Variants in TBCEL observed in about 807,000 individuals in gnomAD.
TBCEL encodes tubulin-specific chaperone cofactor E-like protein.
A neutral mutation model predicts 44.2 loss-of-function variants in TBCEL; 15 were observed. The ratio of observed to expected loss-of-function variants is 0.34; its 90% CI spans 0.23 to 0.52. The LOEUF (loss-of-function observed/expected upper bound fraction) is 0.52. TBCEL is among the 20% of genes least tolerant of loss of function. The pLI, the probability that TBCEL is intolerant of heterozygous loss-of-function variation, is 0.95. For synonymous variants in TBCEL, 171 were observed against 185.4 expected, an observed-to-expected ratio of 0.92 and a Z score of 0.63; for missense variants, 319 against 506.3, an observed-to-expected ratio of 0.63 and a Z score of 3.55.
chr11:121,035,764 C>T (rs1484029396), intron 1 of TBCEL: 2 of 152,116 alleles, frequency 1.3e-5, no homozygotes, highest in African/African-American at 4.8e-5. Flanking sequence ...TGATTTTCTT[C>T]TGATGAAACC....
chr11:121,068,907 C>CA (rs1454440344), intron 8 of TBCEL, among the ~76,000 whole-genome samples: 1 of 150,080 alleles, frequency 6.7e-6, no homozygotes, highest in Non-Finnish European at 1.5e-5. Context: ...AAAAAACAGA[C>CA]AAAAAACAGA....
In TBCEL at chr11:121,086,860, G is replaced by A. The variant is rs1448248013; in HGVS notation, c.1039G>A (p.Glu347Lys). Residue 347 changes from glutamate (E) to lysine (K), a missense_variant, in exon 9 of 9, where the codon GAA becomes AAA. By Grantham distance (56) the Glu-to-Lys change is moderately conservative. Coordinates refer to ENST00000683345, the MANE Select transcript of TBCEL (RefSeq NM_001363644.2). ...DLRPQSSAKV[E>K]VHFNDQVEEM... ...AAGACCCCAGAGCAGTGCAAAAGTA[G>A]AAGTCCACTTTAACGATCAGGTGGA... 2 of 1,614,052 alleles carry A rather than the reference G, an allele frequency of 1.2e-6. No individual in the cohort carries two copies. The highest frequency in any genetic ancestry group is 4.5e-5 in the East Asian group (2 of 44,830).
intron 1 of TBCEL, among the ~76,000 whole-genome samples, chr11:121,033,674 T>G (rs1484536291): frequency 6.6e-6 from 1 of 152,188 alleles, no homozygotes; most frequent in Non-Finnish European, 1.5e-5. Flanking sequence ...AACATAAAAT[T>G]TATCATTTTA....
At chr11:121,074,897 G>C (rs1276743984) in intron 8 of TBCEL, among the ~76,000 whole-genome samples, 2 of 151,970 alleles carry the variant, frequency 1.3e-5, no homozygotes, top group Non-Finnish European at 2.9e-5. Flanking sequence ...AAAGAATACA[G>C]CAAGATCCTG....
chr11:121,028,823 C>G (rs535321533), intron 1 of TBCEL, among the ~76,000 whole-genome samples: 1 of 152,112 alleles, frequency 6.6e-6, no homozygotes, highest in Admixed American at 6.5e-5. Context: ...GATTGTGGCC[C>G]TATGTGGTGT....
chr11:121,027,658 A>T (rs1296274398), intron 1 of TBCEL, among the ~76,000 whole-genome samples: 1 of 152,138 alleles, frequency 6.6e-6, no homozygotes, highest in Non-Finnish European at 1.5e-5. Context: ...CCCTTTCTTC[A>T]TGAAATCCTA....
At chr11:121,049,805 A>G (rs528892768) in intron 4 of TBCEL, among the ~76,000 whole-genome samples, 2 of 151,942 alleles carry the variant, frequency 1.3e-5, no homozygotes, top group African/African-American at 4.8e-5. Context: ...AGATGTGTGT[A>G]ATATGGATCA....
At chr11:121,047,693 T>C (rs1239355501) in intron 4 of TBCEL, 26 bp downstream of exon 4, 1 of 1,610,042 alleles carries the variant, frequency 6.2e-7, no homozygotes, top group South Asian at 1.1e-5. Context: ...TGCTACATTT[T>C]AGTGAAAAGC....
At chr11:121,026,280 C>T (rs1482402504) in intron 1 of TBCEL, among the ~76,000 whole-genome samples, 1 of 152,112 alleles carries the variant, frequency 6.6e-6, no homozygotes, top group East Asian at 1.9e-4. Context: ...AGGTGGGGTC[C>T]TTAGAAAAAT....
chr11:121,039,120 C>T (rs757380636), intron 2 of TBCEL, among the ~76,000 whole-genome samples: 24 of 152,232 alleles, frequency 1.6e-4, no homozygotes, highest in African/African-American at 4.3e-4. Context: ...CCTTACTGAC[C>T]GCTGTCACCT....
At chr11:121,060,240 A>G (rs542914767) in intron 8 of TBCEL, among the ~76,000 whole-genome samples, 155 bp downstream of exon 8, 30 of 152,036 alleles carry the variant, frequency 2.0e-4, no homozygotes, top group African/African-American at 6.5e-4. Flanking sequence ...GAGCAAACCT[A>G]TTTTATCTCA....
At chr11:121,058,092 A>G (rs181379159) in intron 6 of TBCEL, among the ~76,000 whole-genome samples, 32 of 151,940 alleles carry the variant, frequency 2.1e-4, no homozygotes, top group Non-Finnish European at 3.7e-4. Context: ...GTAGAAAATG[A>G]GTAGATGAGA....
Position 121,070,846 on chromosome 11 carries a change from A to AC in TBCEL, c.956+10761_956+10762insC, listed in dbSNP as rs1555117529. On this transcript the variant is annotated intron_variant, in intron 8 of 8. Coordinates refer to ENST00000683345, the MANE Select transcript of TBCEL (RefSeq NM_001363644.2). ...ACCTTAAAGTATTTAAAAAAAAAAA[A>AC]AAGGCAGCAGCTGAGAGAGACCCAG... is the stretch of plus-strand genomic sequence containing the variant. Among the ~76,000 whole-genome samples the AC allele has an allele frequency of 4.2e-3, 645 of 152,150 alleles. 4 individuals are homozygous for AC. Among genetic ancestry groups the AC allele is most frequent in the African/African-American group, 0.015 (603 of 41,498 alleles).
At chr11:121,051,565 A>G (rs983188495) in intron 4 of TBCEL, among the ~76,000 whole-genome samples, 10 of 151,798 alleles carry the variant, frequency 6.6e-5, no homozygotes, top group African/African-American at 1.7e-4. Flanking sequence ...TGCATGAACT[A>G]TTTAGCTGTG....
At chr11:121,076,112 G>A (rs913910534) in intron 8 of TBCEL, among the ~76,000 whole-genome samples, 3 of 151,880 alleles carry the variant, frequency 2.0e-5, no homozygotes, top group Non-Finnish European at 4.4e-5. Flanking sequence ...TTCAATTAAG[G>A]TAGTGTGGGT....
chr11:121,029,497 G>A (rs1945106626), intron 1 of TBCEL, among the ~76,000 whole-genome samples: 1 of 152,186 alleles, frequency 6.6e-6, no homozygotes, highest in Admixed American at 6.5e-5. Context: ...TACAAGTGAG[G>A]AAGCAGGCAT....
chr11:121,054,329 A>G (rs1450877285), intron 5 of TBCEL, among the ~76,000 whole-genome samples: 2 of 151,884 alleles, frequency 1.3e-5, no homozygotes, highest in Non-Finnish European at 2.9e-5. Flanking sequence ...AATCTTGTCC[A>G]TCTTAATTTC....
intron 1 of TBCEL, among the ~76,000 whole-genome samples, chr11:121,034,252 A>G (rs1945191120): frequency 6.6e-6 from 1 of 152,154 alleles, no homozygotes; most frequent in East Asian, 1.9e-4. Flanking sequence ...ACTGAGCAGC[A>G]CCTATTGTTC....
intron 8 of TBCEL, among the ~76,000 whole-genome samples, chr11:121,085,016 CAT>C (rs985086526): frequency 1.3e-5 from 2 of 149,532 alleles, no homozygotes; most frequent in South Asian, 2.1e-4. Context: ...TATAAATATG[CAT>C]ATATATATAA....
Sources: gnomAD v4.1 joint callset for allele counts (sites outside exome capture counted in the v4.1 genomes callset) on GRCh38, gnomAD v4.1.1 for gene constraint, MANE v1.5 for transcripts, NCBI Gene and HGNC (gene_info 2026-07-23, HGNC 2026-07-21) for gene names.